The following LMLN variants were observed in gnomAD, a reference collection of about 807,000 sequenced individuals.
The protein encoded by LMLN is leishmanolysin like peptidase.
Under a neutral mutation model 92.3 loss-of-function variants are expected in LMLN, and 70 were observed. The observed-to-expected ratio is 0.76, with a 90% CI of 0.63 to 0.92. The LOEUF (loss-of-function observed/expected upper bound fraction) is 0.92. Among genes scored for constraint, LMLN ranks in the 40% least tolerant of loss-of-function variants. The pLI is 0.00. For synonymous variants in LMLN, 308 were observed against 296.2 expected (o/e 1.04, Z -0.41); for missense variants, 691 against 814.6 (o/e 0.85, Z 1.85).
At chr3:197,980,695 C>G (rs1353661914) in intron 6 of LMLN, 191 bp downstream of exon 6, 1 of 451,536 alleles carries the variant, frequency 2.2e-6, no homozygotes, top group Non-Finnish European at 3.9e-6. Context: ...TGTGATAACC[C>G]AAGTTTTTAG....
intron 12 of LMLN, among the ~76,000 whole-genome samples, chr3:198,020,491 C>A (rs1722746915): frequency 6.6e-6 from 1 of 152,192 alleles, no homozygotes. Context: ...TAACTATATT[C>A]ATAGGCATAG....
chr3:197,962,340 G>A (rs1306075453), intron 1 of LMLN, among the ~76,000 whole-genome samples: 1 of 152,090 alleles, frequency 6.6e-6, no homozygotes, highest in African/African-American at 2.4e-5. Flanking sequence ...GTATTCCATT[G>A]AATACTTATA....
chr3:198,023,832 T>C (rs190923052), intron 13 of LMLN, among the ~76,000 whole-genome samples: 3 of 152,332 alleles, frequency 2.0e-5, no homozygotes, highest in Admixed American at 2.0e-4. Flanking sequence ...AGAGTAATTG[T>C]GGTTTTGCCG....
intron 11 of LMLN, among the ~76,000 whole-genome samples, chr3:198,012,355 G>A (rs372756479): frequency 1.4e-3 from 214 of 152,334 alleles, no homozygotes; most frequent in African/African-American, 4.5e-3. Flanking sequence ...GGGAGCCACC[G>A]TGTACATTCG....
intron 11 of LMLN, among the ~76,000 whole-genome samples, chr3:198,009,540 T>C (rs1421320363): frequency 6.6e-6 from 1 of 152,222 alleles, no homozygotes. Context: ...TTGTATAAAA[T>C]TGGTGTTAAT....
intron 9 of LMLN, among the ~76,000 whole-genome samples, chr3:197,992,877 AT>A (rs1332190622): frequency 6.6e-6 from 1 of 152,160 alleles, no homozygotes; most frequent in African/African-American, 2.4e-5. Context: ...AAGTACAAAA[AT>A]TTTCCAACAA....
chr3:197,972,216 A>G (rs1315141342), intron 1 of LMLN, among the ~76,000 whole-genome samples: 2 of 151,634 alleles, frequency 1.3e-5, no homozygotes, highest in Non-Finnish European at 2.9e-5. Flanking sequence ...GGTGTGCACC[A>G]CCACGCCTGG....
chr3:197,981,599 AT>A (rs1423601151), intron 6 of LMLN, among the ~76,000 whole-genome samples: 2 of 152,220 alleles, frequency 1.3e-5, no homozygotes. Context: ...TTTACAAAAG[AT>A]TTCAAACATT....
chr3:198,007,436 T>C (rs1005574013), intron 11 of LMLN, among the ~76,000 whole-genome samples: 1 of 151,030 alleles, frequency 6.6e-6, no homozygotes, highest in African/African-American at 2.4e-5. Flanking sequence ...GAAAAGGCTA[T>C]CTTTCCTTCA....
chr3:197,961,138 C>T (rs188758312), intron 1 of LMLN, among the ~76,000 whole-genome samples: 2 of 152,330 alleles, frequency 1.3e-5, no homozygotes, highest in African/African-American at 4.8e-5. Context: ...TACATCGTGT[C>T]TGTACTCCCT....
At chr3:198,014,141 C>T (rs1349386485) in intron 11 of LMLN, among the ~76,000 whole-genome samples, 1 of 147,728 alleles carries the variant, frequency 6.8e-6, no homozygotes. Context: ...CCTTCAGAGT[C>T]CCCTAACTAG....
chr3:198,038,198 G>C (rs113299564), intron 15 of LMLN: 7 of 218,390 alleles, frequency 3.2e-5, no homozygotes, highest in African/African-American at 1.4e-4. Flanking sequence ...ACTAGTTTGT[G>C]TTGATAAATT....
chr3:198,005,775 T>A (rs910943179), intron 11 of LMLN, among the ~76,000 whole-genome samples: 3 of 152,116 alleles, frequency 2.0e-5, no homozygotes, highest in African/African-American at 7.2e-5. Context: ...GCTGTGATTA[T>A]AGGCGTGCGC....
exon 8 of LMLN, chr3:197,985,819 A>T: frequency 6.2e-7 from 1 of 1,613,582 alleles, no homozygotes; most frequent in Non-Finnish European, 8.5e-7. Flanking sequence ...GGCTGTTTGC[A>T]TTCTACCATG....
At chr3:198,003,493 G>T (rs1463165487) in intron 11 of LMLN, among the ~76,000 whole-genome samples, 1 of 152,056 alleles carries the variant, frequency 6.6e-6, no homozygotes, top group East Asian at 1.9e-4. Flanking sequence ...CAAAAAAAAG[G>T]CACTTTTGAA....
At chr3:198,016,861 T>A (rs917795219) in intron 11 of LMLN, among the ~76,000 whole-genome samples, 3 of 152,204 alleles carry the variant, frequency 2.0e-5, no homozygotes, top group Non-Finnish European at 4.4e-5. Flanking sequence ...ATTTTAGGTT[T>A]TGAGGGTTAT....
In LMLN at chr3:197,998,550, C is replaced by T. The variant is rs576483984; in HGVS notation, c.1156-716C>T. On this transcript the variant is annotated intron_variant, in intron 10 of 15. Coordinates refer to ENST00000330198, the Ensembl canonical transcript of LMLN. ...ATTTCATTAACTTCTCTCAAATCAA[C>T]TTTGTGTCCTTGAACTATTTTTTTT... 2.6e-5 allele frequency among the ~76,000 whole-genome samples: 4 copies of T among 152,266 alleles called. No individual in the cohort carries two copies. The East Asian group carries it at 5.8e-4, about 22-fold the overall frequency.
intron 4 of LMLN, 89 bp from the exon 5 acceptor site, chr3:197,976,509 T>C (rs1721385465): frequency 4.6e-6 from 3 of 646,444 alleles, no homozygotes; most frequent in East Asian, 5.6e-5. Flanking sequence ...TGAAGTAATA[T>C]AGCAGCTACC....
chr3:197,994,807 A>G (rs1332506344), intron 9 of LMLN: 1 of 152,244 alleles, frequency 6.6e-6, no homozygotes, highest in African/African-American at 2.4e-5. Flanking sequence ...AAGTTCTTCA[A>G]AAAACTAAAA....
Sources: gnomAD v4.1 joint callset for allele counts (sites outside exome capture counted in the v4.1 genomes callset) on GRCh38, gnomAD v4.1.1 for gene constraint, MANE v1.5 for transcripts, NCBI Gene and HGNC (gene_info 2026-07-23, HGNC 2026-07-21) for gene names.